The following ZFHX3 variants were observed in gnomAD, a reference collection of about 807,000 sequenced individuals.
ZFHX3 encodes zinc finger homeobox 3.
ZFHX3 carries 42 observed loss-of-function variants against 279.1 expected under a neutral mutation model. The ratio of observed to expected loss-of-function variants is 0.15; its 90% CI spans 0.12 to 0.19. The LOEUF (loss-of-function observed/expected upper bound fraction) is 0.19, where lower values mean the gene tolerates loss of function less well. ZFHX3 is among the 10% of genes least tolerant of loss of function. The pLI is 1.00. For synonymous variants in ZFHX3, 2,293 were observed against 1,957.8 expected, an observed-to-expected ratio of 1.17 and a Z score of -4.52; for missense variants, 4,981 against 4,754.0, an observed-to-expected ratio of 1.05 and a Z score of -1.40.
intron 2 of ZFHX3, among the ~76,000 whole-genome samples, chr16:73,649,888 G>C (rs945741600): frequency 6.6e-6 from 1 of 152,190 alleles, no homozygotes; most frequent in Admixed American, 6.5e-5. Flanking sequence ...ACCCTGGCAA[G>C]AGGAAATCTG....
chr16:73,776,580 A>G (rs893580225), intron 1 of ZFHX3, among the ~76,000 whole-genome samples: 5 of 152,240 alleles, frequency 3.3e-5, no homozygotes, highest in Non-Finnish European at 7.3e-5. Flanking sequence ...TGCAATAGAC[A>G]GAAATGAAAT....
chr16:73,085,060 A>C (rs1233410203), intron 8 of ZFHX3, among the ~76,000 whole-genome samples: 1 of 152,196 alleles, frequency 6.6e-6, no homozygotes, highest in African/African-American at 2.4e-5. Flanking sequence ...TCCTAGAACC[A>C]CAAAAGACCC....
chr16:73,839,324 CTCAAAAAAAA>C (rs1961232398), intron 1 of ZFHX3, among the ~76,000 whole-genome samples: 1 of 28,752 alleles, frequency 3.5e-5, no homozygotes, highest in East Asian at 8.8e-4. Context: ...AAGACTCCAT[CTCAAAAAAAA>C]AAAAAAAAAA....
chr16:73,022,353 G>A (rs113105972), intron 1 of ZFHX3, among the ~76,000 whole-genome samples: 49 of 152,186 alleles, frequency 3.2e-4, no homozygotes, highest in Non-Finnish European at 6.5e-4. Flanking sequence ...CAGGCAGATG[G>A]TGAAAGGCAG....
intron 3 of ZFHX3, among the ~76,000 whole-genome samples, chr16:73,344,483 G>A (rs1446574090): frequency 6.6e-6 from 1 of 152,202 alleles, no homozygotes; most frequent in Non-Finnish European, 1.5e-5. Context: ...CACATTCTTG[G>A]AAGGATGGAA....
chr16:73,351,144 A>C (rs2016233952), intron 3 of ZFHX3, among the ~76,000 whole-genome samples: 1 of 152,290 alleles, frequency 6.6e-6, no homozygotes, highest in African/African-American at 2.4e-5. Context: ...AGGGGAAAAA[A>C]CCCAAGAGTA....
chr16:73,328,412 T>C (rs1231480933), intron 3 of ZFHX3, among the ~76,000 whole-genome samples: 8 of 152,242 alleles, frequency 5.3e-5, no homozygotes. Context: ...ACACTAGTAG[T>C]AGCCATCATT....
At chr16:73,420,430 G>A (rs1163951171) in intron 3 of ZFHX3, among the ~76,000 whole-genome samples, 1 of 152,142 alleles carries the variant, frequency 6.6e-6, no homozygotes. Flanking sequence ...TGAGACATGT[G>A]GGTTATCACC....
chr16:73,181,455 C>A (rs1193473951), intron 5 of ZFHX3, among the ~76,000 whole-genome samples: 1 of 152,134 alleles, frequency 6.6e-6, no homozygotes, highest in Non-Finnish European at 1.5e-5. Flanking sequence ...GGATTAGGAC[C>A]ATCACCCCAA....
intron 3 of ZFHX3, among the ~76,000 whole-genome samples, chr16:73,325,918 C>CAAAA (rs1555510194): frequency 6.0e-5 from 4 of 66,620 alleles, no homozygotes; most frequent in Non-Finnish European, 1.7e-4. Flanking sequence ...CACACACACA[C>CAAAA]ACACACACAA....
intron 3 of ZFHX3, among the ~76,000 whole-genome samples, chr16:73,441,516 G>A (rs1319427609): frequency 6.6e-6 from 1 of 152,132 alleles, no homozygotes; most frequent in Non-Finnish European, 1.5e-5. Flanking sequence ...AGCAAGCACA[G>A]CCCAAAACCT....
intron 8 of ZFHX3, among the ~76,000 whole-genome samples, chr16:73,089,157 GC>G (rs1429821083): frequency 6.6e-6 from 1 of 152,052 alleles, no homozygotes; most frequent in Non-Finnish European, 1.5e-5. Flanking sequence ...AGGCTGGAGT[GC>G]AGTGACGCGA....
chr16:73,326,118 G>A (rs1262980529), intron 3 of ZFHX3, among the ~76,000 whole-genome samples: 1 of 152,194 alleles, frequency 6.6e-6, no homozygotes, highest in African/African-American at 2.4e-5. Flanking sequence ...CTCAGAGGCT[G>A]AGCGGCATGC....
chr16:72,959,473 T>A lies in ZFHX3; in HGVS notation c.673A>T (p.Ser225Cys). ...ACGCGGAAGCTGTGCAGGACGGGGC[T>A]GAGCCCCGCCAGGGCTGAGGTATTC... ...FPNTSALAGL[S>C]PVLHSFRVFD... Residue 225 changes from serine (S) to cysteine (C), a missense_variant, in exon 2 of 10, where the codon AGC (serine) becomes TGC (cysteine). Transcript: ENST00000268489. 6.2e-7 allele frequency: 1 copy of A among 1,614,262 alleles called. No homozygotes were observed. Among genetic ancestry groups the A allele is most frequent in the South Asian group, 1.1e-5 (1 of 91,090 alleles).
intron 3 of ZFHX3, among the ~76,000 whole-genome samples, chr16:72,942,069 T>C (rs1960436488): frequency 6.6e-6 from 1 of 152,184 alleles, no homozygotes. Context: ...CCTGACTATG[T>C]TCCTGACAAT....
chr16:73,387,425 T>C (rs1489618478), intron 3 of ZFHX3, among the ~76,000 whole-genome samples: 3 of 152,204 alleles, frequency 2.0e-5, no homozygotes, highest in African/African-American at 7.2e-5. Flanking sequence ...CAAGGGGTCA[T>C]GTTGAAGACT....
At chr16:72,790,208 G>A (rs753792832) in intron 9 of ZFHX3, 5 of 152,574 alleles carry the variant, frequency 3.3e-5, no homozygotes, top group African/African-American at 4.8e-5. Flanking sequence ...TAGTAGGTAA[G>A]GACAGCATGG....
rs764935256 is a variant in ZFHX3 at position 72,794,189 on chromosome 16, G to C, written c.8493C>G (p.Asp2831Glu). Residue 2831 changes from aspartate to glutamate, a missense_variant, in exon 9 of 10, where the codon GAC becomes GAG. Physicochemically the swap from Asp to Glu is conservative, Grantham distance 45. This residue lies in a region of ZFHX3 where 744 missense variants were observed against 701.3 expected (regional missense o/e 1.06). Transcript: ENST00000268489. The surrounding 1 kb of genome is among the most constrained non-coding windows in gnomAD (Gnocchi z 4.2). Reference sequence around the variant, plus strand: ...TGTTGACAGAGGAACAGTCATCGTTGTCCAGCTTAGTTTGGTCAAAGTTTA... The same window carrying C: ...TGTTGACAGAGGAACAGTCATCGTTCTCCAGCTTAGTTTGGTCAAAGTTTA... ...VNLNFDQTKL[D>E]NDDCSSVNTA... 10 of 1,614,060 alleles carry C rather than the reference G, an allele frequency of 6.2e-6. No homozygotes were observed. The highest frequency in any genetic ancestry group is 2.7e-5 in the African/African-American group (2 of 74,912).
rs776147659 is a variant in ZFHX3 at position 72,795,568 on chromosome 16, T to G, written c.7114A>C (p.Met2372Leu). ...DSQNEDSMDA[M>L]EILTPTSSSC... Reference sequence around the variant, plus strand: ...GAGCTGGTAGGCGTCAGGATTTCCATGGCATCCATGGAATCCTCATTTTGG... The same window carrying G: ...GAGCTGGTAGGCGTCAGGATTTCCAGGGCATCCATGGAATCCTCATTTTGG... The change falls in exon 9 of 10, where the codon ATG (methionine) becomes CTG (leucine). Residue 2372 changes from methionine (M) to leucine (L), a missense_variant. Coordinates refer to ENST00000268489, the MANE Select transcript of ZFHX3 (RefSeq NM_006885.4). 1 of 1,614,066 alleles carries G rather than the reference T, an allele frequency of 6.2e-7. No individual in the cohort carries two copies. The highest frequency in any genetic ancestry group is 1.1e-5 in the South Asian group (1 of 91,070).
Sources: allele counts gnomAD v4.1 joint callset (sites outside exome capture counted in the v4.1 genomes callset), GRCh38; gene constraint gnomAD v4.1.1; regional missense constraint gnomAD v4.1.1; non-coding constraint Gnocchi (gnomAD v3.1); transcripts MANE v1.5; gene names NCBI Gene and HGNC (gene_info 2026-07-23, HGNC 2026-07-21).